NLK: variants seen among roughly 807,000 people sequenced by gnomAD.
The protein encoded by NLK is nemo like kinase, also known as serine/threonine-protein kinase NLK.
A neutral mutation model predicts 59.0 loss-of-function variants in NLK; 11 were observed. That is an observed-to-expected ratio of 0.19 (90% CI 0.12 to 0.31). The LOEUF (loss-of-function observed/expected upper bound fraction) is 0.31. Ranked by LOEUF, NLK falls within the 10% of genes least tolerant of loss-of-function variation. NLK has a pLI of 1.00. For missense variants in NLK, 410 were observed against 661.1 expected, an observed-to-expected ratio of 0.62 and a Z score of 4.16; for synonymous variants, 235 against 235.9, an observed-to-expected ratio of 1.00 and a Z score of 0.03.
downstream of NLK, among the ~76,000 whole-genome samples, chr17:28,200,341 ATGT>A (rs1909597867): frequency 6.6e-6 from 1 of 152,114 alleles, no homozygotes; most frequent in South Asian, 2.1e-4. Context: ...ATAAGTTGTG[ATGT>A]TTAGGTTGAA....
In NLK at chr17:28,150,603, T is replaced by TC. The variant is rs199609146; in HGVS notation, c.645-10557_645-10556insC. Among the ~76,000 whole-genome samples the TC allele has an allele frequency of 8.6e-3, 1,308 of 152,318 alleles. 17 individuals carry two copies. Among genetic ancestry groups the TC allele is most frequent in the African/African-American group, 0.03 (1,230 of 41,572 alleles). ...AACTCTTTAAAACAATACAGAGACA[T>TC]TGTTACTTCTCTTGGGCACCTGAGA... On this transcript the variant is annotated intron_variant, in intron 3 of 10. Coordinates refer to ENST00000407008, the MANE Select transcript of NLK (RefSeq NM_016231.5).
intron 1 of NLK, among the ~76,000 whole-genome samples, chr17:28,064,435 C>T (rs1236438796): frequency 6.6e-6 from 1 of 152,040 alleles, no homozygotes; most frequent in Non-Finnish European, 1.5e-5. Flanking sequence ...TAGGCTTGAG[C>T]CACTGCACCT....
At chr17:28,200,710 C>G (rs1254815264), downstream of NLK, among the ~76,000 whole-genome samples, 2 of 152,210 alleles carry the variant, frequency 1.3e-5, no homozygotes, top group Non-Finnish European at 2.9e-5. Flanking sequence ...CCTCGAACTC[C>G]TGACCACAGG....
chr17:28,076,634 A>G (rs1910166655), intron 1 of NLK, among the ~76,000 whole-genome samples: 1 of 152,164 alleles, frequency 6.6e-6, no homozygotes, highest in Non-Finnish European at 1.5e-5. Flanking sequence ...TTTCTGTTAG[A>G]AATTTTGATA....
intron 4 of NLK, among the ~76,000 whole-genome samples, chr17:28,162,582 A>G (rs1597717384): frequency 6.6e-6 from 1 of 152,112 alleles, no homozygotes; most frequent in Non-Finnish European, 1.5e-5. Context: ...GGCTGCAGGG[A>G]GCCAAGATCG....
intron 1 of NLK, among the ~76,000 whole-genome samples, chr17:28,071,058 A>G (rs1379616808): frequency 6.6e-6 from 1 of 152,196 alleles, no homozygotes; most frequent in African/African-American, 2.4e-5. Context: ...CCTATGTATT[A>G]TAGGATGTTC....
Position 28,064,920 on chromosome 17 carries a change from A to T in NLK, c.458+21589A>T, listed in dbSNP as rs190387578. ...TGCTACAGTGGCTTGCCTGTAGTCA[A>T]CACTCAATAAATATTAGCTGTTTTA... On this transcript the variant is annotated intron_variant, in intron 1 of 10. Coordinates refer to ENST00000407008, the MANE Select transcript of NLK (RefSeq NM_016231.5). Among the ~76,000 whole-genome samples, 396 of 152,360 alleles carry T rather than the reference A, an allele frequency of 2.6e-3. 2 individuals are homozygous for T. Among genetic ancestry groups the T allele is most frequent in the Non-Finnish European group, 4.2e-3 (285 of 68,038 alleles).
In NLK at chr17:28,174,345, C is replaced by A. The variant is rs76028694; in HGVS notation, c.1149+1727C>A. ...TATATATTTTGCTATTAATTGGCCT[C>A]TTAACAGTAATCCCTTTGCTTATCA... On this transcript the variant is annotated intron_variant, in intron 7 of 10. Transcript: ENST00000407008. Among the ~76,000 whole-genome samples, 577 of 152,166 alleles carry A rather than the reference C, an allele frequency of 3.8e-3. 6 individuals are homozygous for A. Among genetic ancestry groups the A allele is most frequent in the African/African-American group, 0.013 (556 of 41,516 alleles).
At chr17:28,128,476 T>C (rs1906380410) in intron 2 of NLK, among the ~76,000 whole-genome samples, 1 of 152,216 alleles carries the variant, frequency 6.6e-6, no homozygotes, top group Non-Finnish European at 1.5e-5. Context: ...AAATATCATA[T>C]GTAAAGACCT....
At chr17:28,196,827 G>C (rs186450493), downstream of NLK, among the ~76,000 whole-genome samples, 38 of 152,276 alleles carry the variant, frequency 2.5e-4, no homozygotes, top group African/African-American at 8.9e-4. Flanking sequence ...TCCCAGCCCA[G>C]TGGTGGTGTA....
chr17:28,084,995 G>A (rs1910465986), intron 1 of NLK, among the ~76,000 whole-genome samples: 1 of 152,224 alleles, frequency 6.6e-6, no homozygotes, highest in African/African-American at 2.4e-5. Context: ...GCTGTACAGT[G>A]TAGTCTAATG....
At chr17:28,072,303 C>G (rs1407237136) in intron 1 of NLK, among the ~76,000 whole-genome samples, 3 of 150,432 alleles carry the variant, frequency 2.0e-5, no homozygotes, top group South Asian at 2.1e-4. Flanking sequence ...ATTGTGCTTA[C>G]TGATCTTCTT....
chr17:28,048,070 A>G (rs760249271), intron 1 of NLK: 53 of 397,430 alleles, frequency 1.3e-4, no homozygotes, highest in Non-Finnish European at 2.1e-4. Context: ...AGACATAACA[A>G]AGCATCCGTA....
chr17:28,137,626 A>G (rs1461005030), intron 3 of NLK, among the ~76,000 whole-genome samples: 4 of 152,126 alleles, frequency 2.6e-5, no homozygotes, highest in Admixed American at 1.3e-4. Context: ...GTATCGGTGT[A>G]TAGTATCATG....
intron 3 of NLK, among the ~76,000 whole-genome samples, chr17:28,133,490 A>G (rs1328122159): frequency 6.6e-6 from 1 of 152,224 alleles, no homozygotes; most frequent in African/African-American, 2.4e-5. Flanking sequence ...ATAATGAACT[A>G]TAAAATAATG....
chr17:28,120,829 T>C (rs1033098968), intron 1 of NLK, among the ~76,000 whole-genome samples: 10 of 152,186 alleles, frequency 6.6e-5, no homozygotes, highest in Non-Finnish European at 1.2e-4. Flanking sequence ...AAGTTTGATA[T>C]GGTTTTTAGA....
rs190136243 is a variant in NLK, at chr17:28,194,691, G to A, written c.*55G>A. ...TAATGTAGCTTTCCACTGGAGTCTGGGATTTGCAATTCTGGAGGTTAATCA... is the reference window on the plus strand; with the variant it reads ...TAATGTAGCTTTCCACTGGAGTCTGAGATTTGCAATTCTGGAGGTTAATCA... On this transcript the variant is annotated 3_prime_UTR_variant, in exon 11 of 11. Coordinates refer to ENST00000407008, the MANE Select transcript of NLK (RefSeq NM_016231.5). The A allele has an allele frequency of 7.5e-7, 1 of 1,330,186 alleles. No homozygotes were observed. Among genetic ancestry groups the A allele is most frequent in the East Asian group, 2.4e-5 (1 of 42,220 alleles). The allele number at this position is 1,330,186 out of a possible 1,614,324, so 82.4% of individuals were successfully genotyped here.
At chr17:28,077,011 T>C (rs1428446608) in intron 1 of NLK, among the ~76,000 whole-genome samples, 1 of 151,960 alleles carries the variant, frequency 6.6e-6, no homozygotes, top group Non-Finnish European at 1.5e-5. Context: ...GATGTTTTCT[T>C]TAGTTAGTAC....
intron 3 of NLK, among the ~76,000 whole-genome samples, chr17:28,135,234 T>C (rs1258732130): frequency 6.6e-6 from 1 of 152,214 alleles, no homozygotes; most frequent in African/African-American, 2.4e-5. Context: ...GTGTTGGGGG[T>C]TCCCAAGACC....
Sources: allele counts gnomAD v4.1 joint callset (sites outside exome capture counted in the v4.1 genomes callset), GRCh38; gene constraint gnomAD v4.1.1; transcripts MANE v1.5; gene names NCBI Gene and HGNC (gene_info 2026-07-23, HGNC 2026-07-21).